Variants in CARD14 observed in about 807,000 individuals in gnomAD.
The protein encoded by CARD14 is caspase recruitment domain family member 14.
A neutral mutation model predicts 111.5 loss-of-function variants in CARD14; 107 were observed. That is an observed-to-expected ratio of 0.96 (90% CI 0.82 to 1.13). CARD14 has a LOEUF of 1.13. Among genes scored for constraint, CARD14 ranks in the 50% most tolerant of loss-of-function variants. The probability of loss-of-function intolerance (pLI) is 0.00; values close to 1 mark genes in which losing one functional copy is unlikely to be tolerated. For synonymous variants in CARD14, 617 were observed against 579.6 expected (o/e 1.06, Z -0.93); for missense variants, 1,322 against 1,362.3 (o/e 0.97, Z 0.47).
At chr17:80,206,230 C>A (rs8068719) in intron 22 of CARD14, among the ~76,000 whole-genome samples, 21 of 152,000 alleles carry the variant, frequency 1.4e-4, no homozygotes, top group Non-Finnish European at 2.8e-4. Flanking sequence ...TTTGGGAACC[C>A]GAGGTGGGAG....
At chr17:80,207,233 G>T in intron 23 of CARD14, 148 bp downstream of exon 23, 1 of 593,526 alleles carries the variant, frequency 1.7e-6, no homozygotes, top group Non-Finnish European at 2.9e-6. Context: ...TTGGGACAAG[G>T]GCCCCGCTGA....
Position 80,207,756 on chromosome 17 carries a change from G to A in CARD14, c.2808-382G>A, listed in dbSNP as rs569931132. 4 of 230,708 alleles carry A rather than the reference G, an allele frequency of 1.7e-5. No homozygotes were observed. The Admixed American group carries it at 2.3e-4, about 13-fold the overall frequency. The allele number at this position is 230,708 out of a possible 1,614,324, so 14.3% of individuals were successfully genotyped here. ...CAAATTGGCACTCCCTCCCCCAAGA[G>A]CAGCTCAGAGGACCATTGTAAGGCC... On this transcript the variant is annotated intron_variant, in intron 23 of 23. Coordinates refer to ENST00000648509, the MANE Select transcript of CARD14 (RefSeq NM_001366385.1).
intron 1 of CARD14, among the ~76,000 whole-genome samples, chr17:80,172,142 C>T (rs930701422): frequency 2.0e-5 from 3 of 152,220 alleles, no homozygotes; most frequent in African/African-American, 7.2e-5. Flanking sequence ...CATTATACTG[C>T]GGTAAGCCCT....
Position 80,195,815 on chromosome 17 carries a change from A to T in CARD14, c.1594+163A>T. On this transcript the variant is annotated intron_variant, in intron 14 of 23. Transcript: ENST00000648509. This position sits in a 1 kb window ranked among gnomAD's most constrained non-coding sequence, Gnocchi z 4.7. Reference sequence around the variant, plus strand: ...CTTGGCCTCGACCTTGCACTTTGGGAAAGTCCCGCCTGCCAGCCAGCGTAA... The same window carrying T: ...CTTGGCCTCGACCTTGCACTTTGGGTAAGTCCCGCCTGCCAGCCAGCGTAA... 3.2e-6 allele frequency: 2 copies of T among 625,270 alleles called. No individual in the cohort carries two copies. The highest frequency in any genetic ancestry group is 4.0e-5 in the South Asian group (2 of 49,844). The allele number at this position is 625,270 out of a possible 1,614,324, so 38.7% of individuals were successfully genotyped here.
intron 14 of CARD14, chr17:80,196,328 C>G (rs905900851): frequency 1.3e-5 from 2 of 152,228 alleles, no homozygotes; most frequent in Non-Finnish European, 2.9e-5. Flanking sequence ...AATCAGAAAT[C>G]TTCATCTTTG....
Position 80,202,420 on chromosome 17 carries a change from G to A in CARD14, c.2219G>A (p.Arg740Lys). 6.2e-7 allele frequency: 1 copy of A among 1,609,360 alleles called. No homozygotes were observed. ...CACGGCACCATCCCCAACTACTCCA[G>A]GTGAGCAGCTGCCTCGAGCTCGGTG... Reference protein sequence around the residue: ...AAHGTIPNYSRAQQQLIALIQ... With the variant: ...AAHGTIPNYSKAQQQLIALIQ... The change falls in exon 18 of 24, where the codon AGG (arginine) becomes AAG (lysine). Residue 740 changes from arginine (R) to lysine (K), a missense_variant and splice_region_variant. Physicochemically the swap from Arg to Lys is conservative, Grantham distance 26. Coordinates refer to ENST00000648509, the MANE Select transcript of CARD14 (RefSeq NM_001366385.1).
intron 7 of CARD14, 36 bp downstream of exon 7, chr17:80,184,274 T>G: frequency 6.9e-7 from 1 of 1,457,066 alleles, no homozygotes. Flanking sequence ...GCGACCCTGC[T>G]GTCGTCTGCC....
Position 80,181,558 on chromosome 17 carries a change from C to T in CARD14, c.120C>T (p.Thr40=), listed in dbSNP as rs1415627482. The change falls in exon 5 of 24, where the codon ACC becomes ACT. Residue 40 remains threonine, a synonymous_variant. Coordinates refer to ENST00000648509, the MANE Select transcript of CARD14 (RefSeq NM_001366385.1). ...IVRCICPSRL[T]PYLRQAKVLC... ...GCTGCATCTGCCCCAGCCGCCTCACCCCCTACCTGCGCCAGGCCAAGGTGC... is the reference window on the plus strand; with the variant it reads ...GCTGCATCTGCCCCAGCCGCCTCACTCCCTACCTGCGCCAGGCCAAGGTGC... The T allele has an allele frequency of 1.3e-6, 2 of 1,568,970 alleles. No individual in the cohort carries two copies. The highest frequency in any genetic ancestry group is 2.7e-5 in the African/African-American group (2 of 73,784).
At position 80,209,045 on chromosome 17, in the gene CARD14, A is replaced by G. The variant is rs1379002772; in HGVS notation, c.*700A>G. ...TGTCCCAGAGAAGCCTGGCACCAGT[A>G]CCCCCGTACAAGGCCCAGCGGACTC... On this transcript the variant is annotated 3_prime_UTR_variant, in exon 24 of 24. Transcript: ENST00000648509. 6.6e-6 allele frequency: 1 copy of G among 152,560 alleles called. No individual in the cohort carries two copies. The highest frequency in any genetic ancestry group is 1.9e-4 in the East Asian group (1 of 5,176). The allele number at this position is 152,560 out of a possible 1,614,324, so 9.5% of individuals were successfully genotyped here.
chr17:80,184,313 T>A (rs989523257), intron 7 of CARD14, 75 bp downstream of exon 7: 21 of 1,205,566 alleles, frequency 1.7e-5, no homozygotes, highest in East Asian at 1.4e-4. Context: ...CTGGTCCATC[T>A]CCCTGGAACT....
Position 80,188,402 on chromosome 17 carries a change from A to C in CARD14, c.701A>C (p.Gln234Pro). Residue 234 changes from glutamine (Q) to proline (P), a missense_variant, in exon 8 of 24, where the codon CAG becomes CCG. Gln to Pro is a moderately conservative substitution (Grantham distance 76, BLOSUM62 -1). Coordinates refer to ENST00000648509, the MANE Select transcript of CARD14 (RefSeq NM_001366385.1). This position sits in a 1 kb window ranked among gnomAD's most constrained non-coding sequence, Gnocchi z 4.5. ...CTGTATCTACTGAAGCAGGAGCTGC[A>C]GCGAGCCAACATGGTTTCCTCCTGT... is the stretch of plus-strand genomic sequence containing the variant. ...EELYLLKQELQRANMVSSCEL... is the reference protein window; with the variant it reads ...EELYLLKQELPRANMVSSCEL... 6.2e-7 allele frequency: 1 copy of C among 1,610,796 alleles called. No homozygotes were observed. The highest frequency in any genetic ancestry group is 1.1e-5 in the South Asian group (1 of 90,338).
In CARD14 at chr17:80,184,208, C is replaced by A; in HGVS notation, c.645C>A (p.Ala215=). The change falls in exon 7 of 24, where the codon GCC becomes GCA. Residue 215 remains alanine (A), a synonymous_variant. Transcript: ENST00000648509. ...ATGCGCTGCAGGAGAAGGAGCTGGC[C>A]GCCTCACGCTGCCGCAGCCTGCAGG... The part of the protein sequence containing the change: ...YSNALQEKEL[A]ASRCRSLQEE... 6.5e-7 allele frequency: 1 copy of A among 1,546,018 alleles called. No individual in the cohort carries two copies. The highest frequency in any genetic ancestry group is 8.7e-7 in the Non-Finnish European group (1 of 1,143,740).
chr17:80,204,324 A>G lies in CARD14; in HGVS notation c.2381A>G (p.Asp794Gly). ...LRLSFDRGQL[D>G]PSRMEGSSTC... is the part of the protein sequence containing the mutation. ...TTGTCCTTTGACAGGGGCCAGTTGGACCCCAGCAGGATGGAGGGTGAGGCC... is the reference window on the plus strand; with the variant it reads ...TTGTCCTTTGACAGGGGCCAGTTGGGCCCCAGCAGGATGGAGGGTGAGGCC... Residue 794 changes from aspartate to glycine, a missense_variant, in exon 20 of 24, where the codon GAC becomes GGC. By Grantham distance (94) the Asp-to-Gly change is moderately conservative. Transcript: ENST00000648509. The G allele has an allele frequency of 6.3e-7, 1 of 1,581,886 alleles. No homozygotes were observed. Among genetic ancestry groups the G allele is most frequent in the Non-Finnish European group, 8.6e-7 (1 of 1,159,272 alleles).
chr17:80,185,805 C>T lies in CARD14; in HGVS notation c.675+1567C>T, dbSNP rs145733229. The stretch of plus-strand genomic sequence containing the variant: ...CCCACCCCTTCCCTTTGATGATAGA[C>T]GACCTCTCATTTGGGGTTTGTCTTG... On this transcript the variant is annotated intron_variant, in intron 7 of 23. Coordinates refer to ENST00000648509, the MANE Select transcript of CARD14 (RefSeq NM_001366385.1). Among the ~76,000 whole-genome samples the T allele has an allele frequency of 1.5e-3, 221 of 152,294 alleles. No individual in the cohort carries two copies. In the Middle Eastern group the frequency reaches 0.02, roughly 14 times the overall value.
chr17:80,177,395 T>TA (rs1013284735), intron 2 of CARD14, among the ~76,000 whole-genome samples: 3 of 151,240 alleles, frequency 2.0e-5, no homozygotes, highest in South Asian at 4.2e-4. Flanking sequence ...CCTGGCTAAT[T>TA]AAAAAAAAAA....
At chr17:80,184,450 G>A (rs889721983) in intron 7 of CARD14, among the ~76,000 whole-genome samples, 12 of 152,310 alleles carry the variant, frequency 7.9e-5, no homozygotes, top group East Asian at 3.9e-4. Flanking sequence ...GCATGGCGAC[G>A]AGGTGTGCCT....
At position 80,202,681 on chromosome 17, in the gene CARD14, T is replaced by C. The variant is rs888473663; in HGVS notation, c.2219+261T>C. Reference sequence around the variant, plus strand: ...TCTGGGTTTCTTAGCTTTGGTACCATGGACGTTTGGGGCTGGATCCCCGTC... The same window carrying C: ...TCTGGGTTTCTTAGCTTTGGTACCACGGACGTTTGGGGCTGGATCCCCGTC... On this transcript the variant is annotated intron_variant, in intron 18 of 23. Coordinates refer to ENST00000648509, the MANE Select transcript of CARD14 (RefSeq NM_001366385.1). The C allele has an allele frequency of 1.8e-5, 22 of 1,190,294 alleles. No homozygotes were observed. In the Admixed American group the frequency reaches 6.8e-4, roughly 37 times the overall value. 73.7% of individuals were successfully genotyped at this position (1,190,294 alleles called of 1,614,324 possible).
rs923228143 is a variant in CARD14 at position 80,203,756 on chromosome 17, G to A, written c.2220-66G>A. ...CCATCTCCCCCACTCTCCCCTGCTC[G>A]GCTCTCCCCTGCCCTGCTCACCTGG... On this transcript the variant is annotated intron_variant, in intron 18 of 23. Coordinates refer to ENST00000648509, the MANE Select transcript of CARD14 (RefSeq NM_001366385.1). This position sits in a 1 kb window ranked among gnomAD's most constrained non-coding sequence, Gnocchi z 4.6. 14 of 1,300,202 alleles carry A rather than the reference G, an allele frequency of 1.1e-5. No individual in the cohort carries two copies. Among genetic ancestry groups the A allele is most frequent in the East Asian group, 2.5e-5 (1 of 39,342 alleles). 80.5% of individuals were successfully genotyped at this position (1,300,202 alleles called of 1,614,324 possible). A position where few individuals can be genotyped will look rare whatever the true frequency, so the allele number is the denominator to read the frequency against.
rs1216319934 is a variant in CARD14 at position 80,208,147 on chromosome 17, ACAG to A, written c.2819_2821del (p.Gln940del). On this transcript the variant is annotated inframe_deletion, in exon 24 of 24. Transcript: ENST00000648509. ...ACTCTGGCCTGTGCAGGAAGGGCCT[ACAG>A]CGGTTGGGCACCTCAGAGGAGCAGC... 2 of 1,542,556 alleles carry A rather than the reference ACAG, an allele frequency of 1.3e-6. No individual in the cohort carries two copies. Among genetic ancestry groups the A allele is most frequent in the South Asian group, 1.2e-5 (1 of 83,388 alleles).
Sources: allele counts gnomAD v4.1 joint callset (sites outside exome capture counted in the v4.1 genomes callset), GRCh38; gene constraint gnomAD v4.1.1; non-coding constraint Gnocchi (gnomAD v3.1); transcripts MANE v1.5; gene names NCBI Gene and HGNC (gene_info 2026-07-23, HGNC 2026-07-21).